The following PLCB4 variants were observed in gnomAD, a reference collection of about 807,000 sequenced individuals.
PLCB4 encodes phospholipase C beta 4.
Under a neutral mutation model 178.8 loss-of-function variants are expected in PLCB4, and 77 were observed. That is an observed-to-expected ratio of 0.43 (90% CI 0.36 to 0.52). The LOEUF is 0.52. Among genes scored for constraint, PLCB4 ranks in the 20% least tolerant of loss-of-function variants. PLCB4 has a pLI of 0.00. For missense variants in PLCB4, 1,024 were observed against 1,453.4 expected, an observed-to-expected ratio of 0.70 and a Z score of 4.80; for synonymous variants, 496 against 490.8, an observed-to-expected ratio of 1.01 and a Z score of -0.14.
At chr20:9,102,990 G>A (rs2091224647) in intron 2 of PLCB4, among the ~76,000 whole-genome samples, 1 of 151,528 alleles carries the variant, frequency 6.6e-6, no homozygotes, top group African/African-American at 2.4e-5. Flanking sequence ...CACTCCTACT[G>A]CCTTTGTTCT....
chr20:9,169,177 T>C (rs1197414254), intron 2 of PLCB4, among the ~76,000 whole-genome samples: 1 of 152,150 alleles, frequency 6.6e-6, no homozygotes, highest in Non-Finnish European at 1.5e-5. Flanking sequence ...ATAGAAACTT[T>C]ATTTGTGAGG....
chr20:9,325,343 G>C (rs948402696), intron 4 of PLCB4, among the ~76,000 whole-genome samples: 1 of 152,046 alleles, frequency 6.6e-6, no homozygotes, highest in Non-Finnish European at 1.5e-5. Context: ...CAACTGTTTT[G>C]ACTACTGTGA....
chr20:9,443,889 T>C (rs1326594073), intron 30 of PLCB4, 92 bp from the exon 31 acceptor site: 5 of 726,772 alleles, frequency 6.9e-6, no homozygotes, highest in Admixed American at 2.5e-5. Context: ...TCAAAGTCTT[T>C]CGATGAGATT....
chr20:9,094,723 G>A (rs1017825433), intron 1 of PLCB4, among the ~76,000 whole-genome samples: 11 of 152,100 alleles, frequency 7.2e-5, no homozygotes, highest in African/African-American at 1.2e-4. Flanking sequence ...ATTATTTCTG[G>A]TTGGTCAGTT....
At chr20:9,350,154 T>TAA (rs201701605) in intron 7 of PLCB4, among the ~76,000 whole-genome samples, 2 of 150,234 alleles carry the variant, frequency 1.3e-5, no homozygotes, top group African/African-American at 5.0e-5. Context: ...AAAAATAAAT[T>TAA]TAAAAAAAAA....
intron 21 of PLCB4, among the ~76,000 whole-genome samples, chr20:9,406,542 G>A (rs1175265952): frequency 1.3e-5 from 2 of 150,658 alleles, no homozygotes; most frequent in Non-Finnish European, 3.0e-5. Context: ...AGGCTGGAGT[G>A]CAGTGGCGTG....
In PLCB4 at chr20:9,409,044, T is replaced by C. The variant is rs2039672184; in HGVS notation, c.1875-13T>C. ...TAGGACTCTTTTTTTCTGTTTTCCT[T>C]AATAAGTTACAGTTATAACAAACGG... On this transcript the variant is annotated splice_polypyrimidine_tract_variant and intron_variant, in intron 23 of 39. Coordinates refer to ENST00000378473, the MANE Select transcript of PLCB4 (RefSeq NM_001377142.1). 2 of 1,607,298 alleles carry C rather than the reference T, an allele frequency of 1.2e-6. No homozygotes were observed. The highest frequency in any genetic ancestry group is 8.5e-7 in the Non-Finnish European group (1 of 1,178,322).
chr20:9,300,161 A>T (rs866776500), intron 3 of PLCB4, among the ~76,000 whole-genome samples: 1 of 152,172 alleles, frequency 6.6e-6, no homozygotes, highest in Non-Finnish European at 1.5e-5. Context: ...AGAGCAAGGC[A>T]CTGAAATATG....
chr20:9,426,557 A>G (rs2041023022), intron 28 of PLCB4, among the ~76,000 whole-genome samples: 1 of 152,020 alleles, frequency 6.6e-6, no homozygotes, highest in African/African-American at 2.4e-5. Context: ...TTGTGTTTTT[A>G]GTAGAGACGG....
chr20:9,156,932 C>A (rs999953217), intron 2 of PLCB4, among the ~76,000 whole-genome samples: 1 of 143,218 alleles, frequency 7.0e-6, no homozygotes, highest in Non-Finnish European at 1.5e-5. Context: ...CTAGATGGAT[C>A]AACTCAAGTT....
chr20:9,278,388 A>T (rs1445193120), intron 3 of PLCB4, among the ~76,000 whole-genome samples: 1 of 152,066 alleles, frequency 6.6e-6, no homozygotes, highest in Non-Finnish European at 1.5e-5. Context: ...TGCATATAAG[A>T]GTGTACATTG....
At chr20:9,143,141 T>C (rs1401848006) in intron 2 of PLCB4, among the ~76,000 whole-genome samples, 1 of 152,120 alleles carries the variant, frequency 6.6e-6, no homozygotes, top group African/African-American at 2.4e-5. Context: ...GACTTGTACC[T>C]GTCCCTTTCC....
At chr20:9,320,709 G>A (rs2094950508) in intron 4 of PLCB4, among the ~76,000 whole-genome samples, 1 of 152,222 alleles carries the variant, frequency 6.6e-6, no homozygotes, top group Non-Finnish European at 1.5e-5. Context: ...GGTTAAGCAT[G>A]TTGCTTGAGG....
At chr20:9,166,675 A>ATCC (rs1325741248) in intron 2 of PLCB4, 2 of 152,202 alleles carry the variant, frequency 1.3e-5, no homozygotes, top group African/African-American at 4.8e-5. Context: ...TGAGGTTGAA[A>ATCC]TCCTACTGAC....
At chr20:9,175,556 T>C (rs6056448) in intron 2 of PLCB4, among the ~76,000 whole-genome samples, 35,621 of 152,110 alleles carry the variant, frequency 0.23, 4,405 homozygotes, top group African/African-American at 0.31. Context: ...TTGTGCCAAA[T>C]TAAATACAAA....
At chr20:9,436,874 C>G (rs2041805517) in intron 29 of PLCB4, 128 bp from the exon 30 acceptor site, 1 of 816,754 alleles carries the variant, frequency 1.2e-6, no homozygotes, top group Non-Finnish European at 1.9e-6. Context: ...GGATCCTTTG[C>G]CTTTAAGAGA....
At chr20:9,318,203 C>T (rs1167332835) in intron 4 of PLCB4, among the ~76,000 whole-genome samples, 3 of 151,888 alleles carry the variant, frequency 2.0e-5, no homozygotes, top group Non-Finnish European at 4.4e-5. Context: ...ACAAGGCCAG[C>T]CACACCACTT....
intron 2 of PLCB4, among the ~76,000 whole-genome samples, chr20:9,206,307 T>C (rs6133683): frequency 0.33 from 37,042 of 112,928 alleles, 3,438 homozygotes; most frequent in Admixed American, 0.38. Context: ...TTCTTTTTTT[T>C]TTTTTTTTTT....
chr20:9,462,465 C>T (rs1294611770), intron 35 of PLCB4, among the ~76,000 whole-genome samples: 1 of 152,146 alleles, frequency 6.6e-6, no homozygotes. Context: ...TAACAAACTT[C>T]TCTGAGCTAA....
Sources: gnomAD v4.1 joint callset for allele counts (sites outside exome capture counted in the v4.1 genomes callset) on GRCh38, gnomAD v4.1.1 for gene constraint, MANE v1.5 for transcripts, NCBI Gene and HGNC (gene_info 2026-07-23, HGNC 2026-07-21) for gene names.